Variants in CARMIL2 observed in about 807,000 individuals in gnomAD.
The protein encoded by CARMIL2 is capping protein, Arp2/3 and myosin-I linker protein 2.
A neutral mutation model predicts 173.3 loss-of-function variants in CARMIL2; 96 were observed. The ratio of observed to expected loss-of-function variants is 0.55; its 90% CI spans 0.47 to 0.66. CARMIL2 has a LOEUF of 0.66. Among genes scored for constraint, CARMIL2 ranks in the 30% least tolerant of loss-of-function variants. CARMIL2 has a pLI of 0.00. For missense variants in CARMIL2, 1,771 were observed against 1,906.7 expected (o/e 0.93, Z 1.33); for synonymous variants, 830 against 817.1 (o/e 1.02, Z -0.27).
In CARMIL2 at chr16:67,651,316, G is replaced by A. The variant is rs765817045; in HGVS notation, c.2313+1G>A. On this transcript the variant is annotated splice_donor_variant, in intron 23 of 37. Transcript: ENST00000334583. LOFTEE classifies it high-confidence loss of function. The surrounding 1 kb of genome is among the most constrained non-coding windows in gnomAD (Gnocchi z 4.2). ...CCAAAATGCCAACTTCTCTCTCAGC[G>A]TGAGCACTCCCCCTCCTGCTACAAG... The A allele has an allele frequency of 5.0e-6, 8 of 1,613,376 alleles. No individual in the cohort carries two copies. Among genetic ancestry groups the A allele is most frequent in the African/African-American group, 1.3e-5 (1 of 75,042 alleles).
Position 67,656,048 on chromosome 16 carries a change from C to G in CARMIL2, c.3723C>G (p.Ile1241Met). 2 of 1,601,344 alleles carry G rather than the reference C, an allele frequency of 1.2e-6. No homozygotes were observed. Among genetic ancestry groups the G allele is most frequent in the Non-Finnish European group, 1.7e-6 (2 of 1,173,978 alleles). Residue 1241 changes from isoleucine to methionine, a missense_variant, in exon 33 of 38, where the codon ATC becomes ATG. Ile to Met is a conservative substitution (Grantham distance 10). Around this residue, in one of 3 missense-constraint regions of CARMIL2, gnomAD observed 817 missense variants for 903.5 expected, o/e 0.90. Transcript: ENST00000334583. ...TCCTGCAGAGCAAAGATGGCGAGAT[C>G]AAGAAAGCTGGCTCAGATGGTAAGT... ...GKRKQSKDGE[I>M]KKAGSDGDIM... is the part of the protein sequence containing the mutation.
At chr16:67,647,052 C>A in intron 8 of CARMIL2, 64 bp from the exon 9 acceptor site, 1 of 1,606,572 alleles carries the variant, frequency 6.2e-7, no homozygotes, top group Non-Finnish European at 8.5e-7. Flanking sequence ...CATGGAGGGG[C>A]TGCTGGGCCT....
Position 67,645,765 on chromosome 16 carries a change from C to G in CARMIL2, c.174C>G (p.Cys58Trp). Residue 58 changes from cysteine (C) to tryptophan (W), a missense_variant, in exon 3 of 38, where the codon TGC (cysteine) becomes TGG (tryptophan). Physicochemically the swap from Cys to Trp is radical, Grantham distance 215. Around this residue, in one of 3 missense-constraint regions of CARMIL2, gnomAD observed 944 missense variants for 975.6 expected, o/e 0.97. Coordinates refer to ENST00000334583, the MANE Select transcript of CARMIL2 (RefSeq NM_001013838.3). ...RWRAYLLHTT[C>W]LPLRVDCTFS... ...GAGCCTACCTGCTGCACACCACCTG[C>G]CTCCCGCTGAGGGTGAGTCCCAGGG... The G allele has an allele frequency of 6.2e-7, 1 of 1,612,476 alleles. No homozygotes were observed. Among genetic ancestry groups the G allele is most frequent in the Non-Finnish European group, 8.5e-7 (1 of 1,179,882 alleles).
intron 32 of CARMIL2, among the ~76,000 whole-genome samples, chr16:67,655,671 G>A (rs181999768): frequency 1.3e-5 from 2 of 152,204 alleles, no homozygotes; most frequent in East Asian, 1.9e-4. Context: ...CTAATTGTGG[G>A]TTACGCCAGG....
At chr16:67,655,340 G>A (rs1262983980) in intron 32 of CARMIL2, among the ~76,000 whole-genome samples, 1 of 152,234 alleles carries the variant, frequency 6.6e-6, no homozygotes. Context: ...GGTGAGGCAC[G>A]AGAATTGCTT....
chr16:67,656,738 G>A, intron 35 of CARMIL2, 63 bp from the exon 36 acceptor site: 1 of 1,555,566 alleles, frequency 6.4e-7, no homozygotes, highest in African/African-American at 1.4e-5. Context: ...CCCTGAGGGT[G>A]GGAGGCAAGG....
chr16:67,654,532 G>T lies in CARMIL2; in HGVS notation c.3422G>T (p.Arg1141Leu), dbSNP rs766381878. The change falls in exon 31 of 38, where the codon CGT becomes CTT. Residue 1141 changes from arginine to leucine, a missense_variant. By Grantham distance (102) the Arg-to-Leu change is moderately radical. This residue lies in a region of CARMIL2 where 817 missense variants were observed against 903.5 expected (regional missense o/e 0.90). Coordinates refer to ENST00000334583, the MANE Select transcript of CARMIL2 (RefSeq NM_001013838.3). ...TFGDLLRPPT[R>L]PSRGEELGGA... ...GGCGACCTACTGCGGCCGCCAACCC[G>T]TCCCAGCCGTGGTGAGGAGCTTGGT... is the stretch of plus-strand genomic sequence containing the variant. 6.2e-7 allele frequency: 1 copy of T among 1,611,748 alleles called. No individual in the cohort carries two copies. The highest frequency in any genetic ancestry group is 8.5e-7 in the Non-Finnish European group (1 of 1,179,344).
chr16:67,649,572 G>C lies in CARMIL2; in HGVS notation c.1872G>C (p.Ala624=), dbSNP rs779934172. 5.0e-6 allele frequency: 8 copies of C among 1,601,662 alleles called. No homozygotes were observed. The highest frequency in any genetic ancestry group is 6.8e-6 in the Non-Finnish European group (8 of 1,179,514). Residue 624 remains alanine (A), a synonymous_variant, in exon 20 of 38, where the codon GCG becomes GCC. Transcript: ENST00000334583. This position sits in a 1 kb window ranked among gnomAD's most constrained non-coding sequence, Gnocchi z 6.7. ...LDISGNAMGD[A]GAKLLAKALR... is the part of the protein sequence containing the mutation. Reference sequence around the variant, plus strand: ...TCAGCGGCAACGCCATGGGGGACGCGGGCGCCAAGTTGCTGGCCAAGGCGC... The same window carrying C: ...TCAGCGGCAACGCCATGGGGGACGCCGGCGCCAAGTTGCTGGCCAAGGCGC...
chr16:67,654,507 G>A lies in CARMIL2; in HGVS notation c.3397G>A (p.Gly1133Ser). The A allele has an allele frequency of 6.2e-7, 1 of 1,612,474 alleles. No individual in the cohort carries two copies. The highest frequency in any genetic ancestry group is 8.5e-7 in the Non-Finnish European group (1 of 1,179,616). ...TCCCCGAACCCGAAAAACTACATTT[G>A]GCGACCTACTGCGGCCGCCAACCCG... ...AAPRTRKTTFGDLLRPPTRPS... is the reference protein window; with the variant it reads ...AAPRTRKTTFSDLLRPPTRPS... Residue 1133 changes from glycine (G) to serine (S), a missense_variant, in exon 31 of 38, where the codon GGC becomes AGC. Around this residue, in one of 3 missense-constraint regions of CARMIL2, gnomAD observed 817 missense variants for 903.5 expected, o/e 0.90. Coordinates refer to ENST00000334583, the MANE Select transcript of CARMIL2 (RefSeq NM_001013838.3).
Position 67,649,940 on chromosome 16 carries a change from C to T in CARMIL2, c.2054C>T (p.Pro685Leu). ...NDVAQAQRSR[P>L]ELTARAVHQI... ...GTGGCCCAGGCGCAGCGCAGCCGCCCGGAACTGACAGCACGTGCAGTCCAT... is the reference window on the plus strand; with the variant it reads ...GTGGCCCAGGCGCAGCGCAGCCGCCTGGAACTGACAGCACGTGCAGTCCAT... The change falls in exon 21 of 38, where the codon CCG (proline) becomes CTG (leucine). Residue 685 changes from proline to leucine, a missense_variant. This residue lies in a region of CARMIL2 where 944 missense variants were observed against 975.6 expected (regional missense o/e 0.97). Transcript: ENST00000334583. The surrounding 1 kb of genome is among the most constrained non-coding windows in gnomAD (Gnocchi z 6.7). The T allele has an allele frequency of 6.2e-7, 1 of 1,613,222 alleles. No homozygotes were observed. Among genetic ancestry groups the T allele is most frequent in the South Asian group, 1.1e-5 (1 of 91,062 alleles).
In CARMIL2 at chr16:67,653,486, C is replaced by T. The variant is rs2052769640; in HGVS notation, c.3120+232C>T. 6.6e-6 allele frequency among the ~76,000 whole-genome samples: 1 copy of T among 152,048 alleles called. No individual in the cohort carries two copies. Among genetic ancestry groups the T allele is most frequent in the East Asian group, 1.9e-4 (1 of 5,142 alleles). On this transcript the variant is annotated intron_variant, in intron 29 of 37. Transcript: ENST00000334583. This position sits in a 1 kb window ranked among gnomAD's most constrained non-coding sequence, Gnocchi z 7.4. ...GTTCGGGGTGTGCCTGGGTGTGGGA[C>T]TCCGTCTCGGGGCGGCCCGCGGCCT...
Position 67,656,280 on chromosome 16 carries a change from C to T in CARMIL2, c.3795C>T (p.Arg1265=). 2 of 1,614,016 alleles carry T rather than the reference C, an allele frequency of 1.2e-6. No homozygotes were observed. The highest frequency in any genetic ancestry group is 1.7e-6 in the Non-Finnish European group (2 of 1,179,892). ...TEAPPISIKS[R]THSVSADPSC... is the part of the protein sequence containing the mutation. ...CCCCTCCCATCTCGATCAAGTCCCG[C>T]ACCCACTCTGTGTCTGCTGGTGAGT... Residue 1265 remains arginine, a synonymous_variant, in exon 34 of 38, where the codon CGC becomes CGT. Transcript: ENST00000334583.
rs1015305464 is a variant in CARMIL2 at position 67,656,860 on chromosome 16, G to C, written c.4096G>C (p.Asp1366His). The change falls in exon 36 of 38, where the codon GAC becomes CAC. Residue 1366 changes from aspartate to histidine, a missense_variant. By Grantham distance (81) the Asp-to-His change is moderately conservative (BLOSUM62 -1). Around this residue, in one of 3 missense-constraint regions of CARMIL2, gnomAD observed 817 missense variants for 903.5 expected, o/e 0.90. Transcript: ENST00000334583. ...GCGGCGAGCAGTGTCTGTGCATGAG[G>C]ACCAGCTCCAGGCCCCTGCTGGTGA... The part of the protein sequence containing the change: ...AGRRAVSVHE[D>H]QLQAPAERPL... 3 of 1,549,860 alleles carry C rather than the reference G, an allele frequency of 1.9e-6. No individual in the cohort carries two copies. The highest frequency in any genetic ancestry group is 2.0e-5 in the Admixed American group (1 of 50,892).
Position 67,646,243 on chromosome 16 carries a change from G to A in CARMIL2, c.307G>A (p.Ala103Thr), listed in dbSNP as rs775280355. ...GGTCCTGGAGTTTCCTGGTGTGGCC[G>A]CCCTGGAACAGCTGGCCCAGCACGT... ...ELVLEFPGVA[A>T]LEQLAQHVAA... is the part of the protein sequence containing the mutation. The change falls in exon 5 of 38, where the codon GCC becomes ACC. Residue 103 changes from alanine (A) to threonine (T), a missense_variant. Coordinates refer to ENST00000334583, the MANE Select transcript of CARMIL2 (RefSeq NM_001013838.3). This position sits in a 1 kb window ranked among gnomAD's most constrained non-coding sequence, Gnocchi z 4.6. The A allele has an allele frequency of 3.7e-5, 59 of 1,613,630 alleles. No individual in the cohort carries two copies. Among genetic ancestry groups the A allele is most frequent in the African/African-American group, 3.1e-4 (23 of 74,912 alleles).
rs376838356 is a variant in CARMIL2, at chr16:67,647,385, G to A, written c.774G>A (p.Arg258=). 6.3e-7 allele frequency: 1 copy of A among 1,575,022 alleles called. No homozygotes were observed. The highest frequency in any genetic ancestry group is 1.2e-5 in the South Asian group (1 of 86,324). The change falls in exon 10 of 38, where the codon AGG becomes AGA. Residue 258 remains arginine, a splice_region_variant and synonymous_variant. Transcript: ENST00000334583. ...TGGTGCTGGAGACCTGCAGCCTGAG[G>A]GGGTGAGGGGGACAGGGCAGGGCTT... The part of the protein sequence containing the change: ...EELVLETCSL[R]GDFVRRLAQA...
Position 67,652,360 on chromosome 16 carries a change from G to A in CARMIL2, c.2817+21G>A. 6.2e-7 allele frequency: 1 copy of A among 1,612,856 alleles called. No individual in the cohort carries two copies. The highest frequency in any genetic ancestry group is 8.5e-7 in the Non-Finnish European group (1 of 1,179,438). ...AGAAGGTAAGTGGTTTTAGAACACG[G>A]GGCATGGCACTCCCAGTCTTCCCAT... On this transcript the variant is annotated intron_variant, in intron 27 of 37. Transcript: ENST00000334583. This position sits in a 1 kb window ranked among gnomAD's most constrained non-coding sequence, Gnocchi z 4.7.
At position 67,646,674 on chromosome 16, in the gene CARMIL2, C is replaced by T. The variant is rs2052599945; in HGVS notation, c.467-40C>T. 6.2e-7 allele frequency: 1 copy of T among 1,606,180 alleles called. No homozygotes were observed. Among genetic ancestry groups the T allele is most frequent in the Non-Finnish European group, 8.5e-7 (1 of 1,172,940 alleles). Reference sequence around the variant, plus strand: ...TCTTCCTCCATCGCTGATGTTTTGTCTCTCTCCTTTTCCACATCGCACCCC... The same window carrying T: ...TCTTCCTCCATCGCTGATGTTTTGTTTCTCTCCTTTTCCACATCGCACCCC... On this transcript the variant is annotated intron_variant, in intron 6 of 37. Coordinates refer to ENST00000334583, the MANE Select transcript of CARMIL2 (RefSeq NM_001013838.3). The surrounding 1 kb of genome is among the most constrained non-coding windows in gnomAD (Gnocchi z 4.6).
rs149368762 is a variant in CARMIL2 at position 67,645,853 on chromosome 16, C to T, written c.186+76C>T. On this transcript the variant is annotated intron_variant, in intron 3 of 37. Coordinates refer to ENST00000334583, the MANE Select transcript of CARMIL2 (RefSeq NM_001013838.3). ...AGGGGGCTGCATCTGCAGAGTGGTC[C>T]TTCTTGGCCTTGTGGGCCCTGACTT... The T allele has an allele frequency of 5.1e-6, 8 of 1,583,508 alleles. No individual in the cohort carries two copies. In the East Asian group the frequency reaches 1.6e-4, roughly 31 times the overall value.
At position 67,649,750 on chromosome 16, in the gene CARMIL2, G is replaced by A. The variant is rs533173514; in HGVS notation, c.1920-56G>A. On this transcript the variant is annotated intron_variant, in intron 20 of 37. Transcript: ENST00000334583. This position sits in a 1 kb window ranked among gnomAD's most constrained non-coding sequence, Gnocchi z 6.7. Reference sequence around the variant, plus strand: ...TGACGAGGCGAATGGACTAGGCCGAGGGTTGGGTGGGGCGTTGGGAAGCTC... The same window carrying A: ...TGACGAGGCGAATGGACTAGGCCGAAGGTTGGGTGGGGCGTTGGGAAGCTC... The A allele has an allele frequency of 1.3e-6, 2 of 1,587,878 alleles. No homozygotes were observed. The highest frequency in any genetic ancestry group is 2.3e-5 in the South Asian group (2 of 87,560).
Sources: allele counts gnomAD v4.1 joint callset (sites outside exome capture counted in the v4.1 genomes callset), GRCh38; gene constraint gnomAD v4.1.1; regional missense constraint gnomAD v4.1.1; non-coding constraint Gnocchi (gnomAD v3.1); transcripts MANE v1.5; gene names NCBI Gene and HGNC (gene_info 2026-07-23, HGNC 2026-07-21).